The following AKAP6 variants were observed in gnomAD, a reference collection of about 807,000 sequenced individuals.
AKAP6 encodes A-kinase anchor protein 6.
In AKAP6, 58 loss-of-function variants were observed where a neutral mutation model predicts 188.5. The ratio of observed to expected loss-of-function variants is 0.31; its 90% CI spans 0.25 to 0.38. AKAP6 has a LOEUF of 0.38. AKAP6 is among the 10% of genes least tolerant of loss of function. AKAP6 has a pLI of 1.00. For synonymous variants in AKAP6, 989 were observed against 998.6 expected, an observed-to-expected ratio of 0.99 and a Z score of 0.18; for missense variants, 2,710 against 2,740.0, an observed-to-expected ratio of 0.99 and a Z score of 0.24.
chr14:32,535,898 T>C (rs1882652566), intron 3 of AKAP6, 93 bp downstream of exon 3: 7 of 1,512,460 alleles, frequency 4.6e-6, no homozygotes, highest in South Asian at 1.3e-5. Flanking sequence ...GAATTCTTTG[T>C]AGGTAAATAA....
intron 1 of AKAP6, among the ~76,000 whole-genome samples, chr14:32,379,174 C>T (rs767605679): frequency 1.3e-5 from 2 of 152,106 alleles, no homozygotes; most frequent in African/African-American, 4.8e-5. Context: ...GCCCCCTTGG[C>T]CTCCCAAAGT....
chr14:32,379,285 C>T (rs1888266267), intron 1 of AKAP6, among the ~76,000 whole-genome samples: 1 of 152,108 alleles, frequency 6.6e-6, no homozygotes, highest in African/African-American at 2.4e-5. Context: ...TAAAGAAAAT[C>T]TCATTAAATA....
At chr14:32,389,808 T>G (rs543975769) in intron 1 of AKAP6, among the ~76,000 whole-genome samples, 1 of 152,292 alleles carries the variant, frequency 6.6e-6, no homozygotes, top group East Asian at 1.9e-4. Context: ...TTAGATAACC[T>G]GAAGACAATG....
intron 7 of AKAP6, among the ~76,000 whole-genome samples, chr14:32,664,268 A>T (rs1028887711): frequency 3.9e-5 from 6 of 152,130 alleles, no homozygotes; most frequent in Admixed American, 1.3e-4. Flanking sequence ...AGGTCTAAGC[A>T]GCAGTGATGA....
intron 11 of AKAP6, among the ~76,000 whole-genome samples, chr14:32,772,300 A>T (rs552579780): frequency 6.6e-6 from 1 of 152,304 alleles, no homozygotes; most frequent in East Asian, 1.9e-4. Flanking sequence ...CAGGACTTAT[A>T]TAGGAAAATA....
chr14:32,491,251 A>G (rs1214538371), intron 2 of AKAP6, among the ~76,000 whole-genome samples: 1 of 152,158 alleles, frequency 6.6e-6, no homozygotes, highest in African/African-American at 2.4e-5. Context: ...ACAATGTCCA[A>G]CTGGTTACCA....
intron 11 of AKAP6, among the ~76,000 whole-genome samples, chr14:32,761,327 G>A (rs755974984): frequency 6.6e-6 from 1 of 152,024 alleles, no homozygotes; most frequent in Non-Finnish European, 1.5e-5. Flanking sequence ...CCCTTCTGTA[G>A]CATTCTGGAA....
chr14:32,430,110 A>G (rs1313909247), intron 1 of AKAP6, among the ~76,000 whole-genome samples: 1 of 152,236 alleles, frequency 6.6e-6, no homozygotes, highest in Non-Finnish European at 1.5e-5. Flanking sequence ...GGACACATCT[A>G]TCAATAATAC....
intron 7 of AKAP6, among the ~76,000 whole-genome samples, chr14:32,654,111 C>T (rs1263695707): frequency 3.9e-5 from 6 of 152,138 alleles, no homozygotes; most frequent in Non-Finnish European, 8.8e-5. Context: ...AGACTTTGCC[C>T]TATAAAATGC....
rs765193029 is a variant in AKAP6, at chr14:32,822,250, A to G, written c.4437A>G (p.Lys1479=). The change falls in exon 13 of 14, where the codon AAA becomes AAG. Residue 1479 remains lysine (K), a synonymous_variant. Coordinates refer to ENST00000280979, the MANE Select transcript of AKAP6 (RefSeq NM_004274.5). The part of the protein sequence containing the change: ...DYSYLQGSKL[K]LPMIMKQSQS... ...CATACCTCCAAGGCTCAAAACTCAA[A>G]TTACCAATGATAATGAAACAGTCAC... The G allele has an allele frequency of 6.2e-7, 1 of 1,613,922 alleles. No individual in the cohort carries two copies. The highest frequency in any genetic ancestry group is 8.5e-7 in the Non-Finnish European group (1 of 1,179,934).
rs1361744470 is a variant in AKAP6, at chr14:32,832,372, C to T, written c.*2567C>T. 6.6e-6 allele frequency: 1 copy of T among 152,172 alleles called. No individual in the cohort carries two copies. The highest frequency in any genetic ancestry group is 1.9e-4 in the East Asian group (1 of 5,196). The allele number at this position is 152,172 out of a possible 1,614,324, so 9.4% of individuals were successfully genotyped here. A position where few individuals can be genotyped will look rare whatever the true frequency, so the allele number is the denominator to read the frequency against. On this transcript the variant is annotated 3_prime_UTR_variant, in exon 14 of 14. Transcript: ENST00000280979. ...GTAACTAATGTCAAGTCTACATCGA[C>T]TGGTAAAACATTCAAAGAACAAACT... is the stretch of plus-strand genomic sequence containing the variant.
At chr14:32,669,990 GGGAGGCTGAGGCA>G (rs1889111872) in intron 7 of AKAP6, among the ~76,000 whole-genome samples, 1 of 151,956 alleles carries the variant, frequency 6.6e-6, no homozygotes. Context: ...CCAGCTACTG[GGGAGGCTGAGGCA>G]GGAGAATCGC....
intron 11 of AKAP6, among the ~76,000 whole-genome samples, chr14:32,743,873 G>A (rs766277679): frequency 2.0e-5 from 3 of 152,154 alleles, no homozygotes; most frequent in Non-Finnish European, 4.4e-5. Context: ...AAACCAGTGA[G>A]TTTTTTACCT....
intron 1 of AKAP6, among the ~76,000 whole-genome samples, chr14:32,390,787 G>C (rs1888688357): frequency 6.6e-6 from 1 of 152,060 alleles, no homozygotes; most frequent in East Asian, 1.9e-4. Flanking sequence ...TGCCTTCAGG[G>C]GGTATGTGGG....
Position 32,568,600 on chromosome 14 carries a change from G to A in AKAP6, c.2347-8520G>A, listed in dbSNP as rs190616020. On this transcript the variant is annotated intron_variant, in intron 4 of 13. Transcript: ENST00000280979. The surrounding 1 kb of genome is among the most constrained non-coding windows in gnomAD (Gnocchi z 6.2). ...GCTTATCCAGTGTCTTGGAGGATTGGGGGTGCTTGAAGCAAGGTCTCACCT... is the reference window on the plus strand; with the variant it reads ...GCTTATCCAGTGTCTTGGAGGATTGAGGGTGCTTGAAGCAAGGTCTCACCT... Among the ~76,000 whole-genome samples, 1 of 152,086 alleles carries A rather than the reference G, an allele frequency of 6.6e-6. No homozygotes were observed. The highest frequency in any genetic ancestry group is 1.5e-5 in the Non-Finnish European group (1 of 68,018).
chr14:32,636,917 C>G (rs1337818131), intron 7 of AKAP6, among the ~76,000 whole-genome samples: 5 of 151,932 alleles, frequency 3.3e-5, no homozygotes, highest in Non-Finnish European at 7.4e-5. Context: ...TCTCTAACAG[C>G]AGTGCAGAGG....
chr14:32,535,472 A>G, intron 2 of AKAP6, 82 bp from the exon 3 acceptor site: 1 of 1,475,160 alleles, frequency 6.8e-7, no homozygotes, highest in South Asian at 1.3e-5. Context: ...GTGTTAGGTA[A>G]GAGTGTACTT....
chr14:32,503,913 C>T (rs1164390068), intron 2 of AKAP6, among the ~76,000 whole-genome samples: 1 of 151,812 alleles, frequency 6.6e-6, no homozygotes, highest in Non-Finnish European at 1.5e-5. Context: ...AACCCTTCCC[C>T]CCATAAAAAG....
chr14:32,778,826 C>A (rs76959058), intron 12 of AKAP6, among the ~76,000 whole-genome samples: 14,883 of 150,298 alleles, frequency 0.099, 779 homozygotes, highest in African/African-American at 0.13. Context: ...GGATTACAGG[C>A]ATGAGTCGCC....
Sources: gnomAD v4.1 joint callset for allele counts (sites outside exome capture counted in the v4.1 genomes callset) on GRCh38, gnomAD v4.1.1 for gene constraint, Gnocchi (gnomAD v3.1) non-coding constraint, MANE v1.5 for transcripts, NCBI Gene and HGNC (gene_info 2026-07-23, HGNC 2026-07-21) for gene names.